TSPAN5: variants seen among roughly 807,000 people sequenced by gnomAD.
TSPAN5 encodes the protein tetraspanin 5.
Under a neutral mutation model 37.1 loss-of-function variants are expected in TSPAN5, and 10 were observed. The ratio of observed to expected loss-of-function variants is 0.27; its 90% CI spans 0.17 to 0.46. The LOEUF is 0.46. Among genes scored for constraint, TSPAN5 ranks in the 20% least tolerant of loss-of-function variants. The probability of loss-of-function intolerance (pLI) is 1.00; values close to 1 mark genes in which losing one functional copy is unlikely to be tolerated. For missense variants in TSPAN5, 195 were observed against 326.6 expected (o/e 0.60, Z 3.11); for synonymous variants, 110 against 118.9 (o/e 0.93, Z 0.48).
intron 1 of TSPAN5, among the ~76,000 whole-genome samples, chr4:98,514,234 A>T (rs2110109950): frequency 6.6e-6 from 1 of 152,342 alleles, no homozygotes; most frequent in East Asian, 1.9e-4. Context: ...CAAGGGGAGA[A>T]GTGCCATTAG....
intron 1 of TSPAN5, among the ~76,000 whole-genome samples, chr4:98,583,976 T>G (rs988006386): frequency 6.6e-6 from 1 of 152,026 alleles, no homozygotes; most frequent in Non-Finnish European, 1.5e-5. Context: ...TGGCTCCCCC[T>G]CCCTCTCCCA....
chr4:98,601,665 G>C (rs1004234311), intron 1 of TSPAN5, among the ~76,000 whole-genome samples: 25 of 152,174 alleles, frequency 1.6e-4, no homozygotes, highest in African/African-American at 5.8e-4. Flanking sequence ...CTCCATATCA[G>C]CAATAAGACT....
intron 1 of TSPAN5, among the ~76,000 whole-genome samples, chr4:98,549,311 T>G (rs1560533035): frequency 7.6e-5 from 2 of 26,268 alleles, no homozygotes; most frequent in Admixed American, 2.2e-4. Context: ...TGTTTTTTTT[T>G]GTTTTTTTTG....
intron 1 of TSPAN5, among the ~76,000 whole-genome samples, chr4:98,618,110 T>G (rs982230242): frequency 3.3e-5 from 5 of 152,224 alleles, no homozygotes; most frequent in African/African-American, 4.8e-5. Context: ...TCAAACATCC[T>G]GAAGCAAACA....
intron 1 of TSPAN5, among the ~76,000 whole-genome samples, chr4:98,642,441 C>A (rs1459831034): frequency 6.6e-6 from 1 of 152,076 alleles, no homozygotes; most frequent in African/African-American, 2.4e-5. Flanking sequence ...TTTTTTTCTG[C>A]TTATGTGTTA....
chr4:98,480,111 G>A (rs982022985), intron 4 of TSPAN5, among the ~76,000 whole-genome samples: 7 of 152,152 alleles, frequency 4.6e-5, no homozygotes, highest in East Asian at 1.9e-4. Flanking sequence ...CTGCCGATCC[G>A]CCTGGGAACA....
intron 1 of TSPAN5, among the ~76,000 whole-genome samples, chr4:98,564,229 TAC>T (rs1754946276): frequency 6.6e-6 from 1 of 152,234 alleles, no homozygotes; most frequent in South Asian, 2.1e-4. Context: ...ACATACAGTT[TAC>T]ATGCTTTTCT....
intron 1 of TSPAN5, among the ~76,000 whole-genome samples, chr4:98,631,552 A>C (rs1354157820): frequency 2.0e-5 from 3 of 151,750 alleles, no homozygotes; most frequent in Non-Finnish European, 4.4e-5. Context: ...TAGATGCCTG[A>C]CCCTGCAGGG....
chr4:98,562,870 A>T (rs1754912357), intron 1 of TSPAN5, among the ~76,000 whole-genome samples: 1 of 152,170 alleles, frequency 6.6e-6, no homozygotes, highest in African/African-American at 2.4e-5. Context: ...CATATGTTAC[A>T]CTTGGGATGC....
intron 1 of TSPAN5, among the ~76,000 whole-genome samples, chr4:98,531,720 G>C (rs1174758190): frequency 6.6e-6 from 1 of 152,124 alleles, no homozygotes; most frequent in Non-Finnish European, 1.5e-5. Flanking sequence ...ATCCTCTCCA[G>C]CATCTGTTGT....
At chr4:98,551,809 T>G (rs1754625095) in intron 1 of TSPAN5, among the ~76,000 whole-genome samples, 2 of 152,112 alleles carry the variant, frequency 1.3e-5, no homozygotes, top group East Asian at 1.9e-4. Context: ...CTCCTTTGTA[T>G]GTTTGAAAGA....
intron 2 of TSPAN5, among the ~76,000 whole-genome samples, chr4:98,495,338 G>C (rs1753177513): frequency 6.6e-6 from 1 of 152,096 alleles, no homozygotes; most frequent in African/African-American, 2.4e-5. Context: ...GACCATCCTG[G>C]CTAACGTGGT....
chr4:98,573,239 C>G (rs1175072252), intron 1 of TSPAN5, among the ~76,000 whole-genome samples: 3 of 152,140 alleles, frequency 2.0e-5, no homozygotes, highest in Non-Finnish European at 4.4e-5. Context: ...GGGGGCTCTT[C>G]TAGGAGACAT....
chr4:98,474,376 T>C (rs1425561562), intron 7 of TSPAN5, among the ~76,000 whole-genome samples: 2 of 152,096 alleles, frequency 1.3e-5, no homozygotes, highest in Admixed American at 1.3e-4. Context: ...TTTTTTGAGA[T>C]AGGATCTTGC....
chr4:98,639,209 C>T (rs983115540), intron 1 of TSPAN5, among the ~76,000 whole-genome samples: 1 of 152,166 alleles, frequency 6.6e-6, no homozygotes, highest in African/African-American at 2.4e-5. Flanking sequence ...TCCACATGAA[C>T]CCCCTGCTAC....
At chr4:98,554,187 C>A (rs1754687019) in intron 1 of TSPAN5, among the ~76,000 whole-genome samples, 1 of 152,124 alleles carries the variant, frequency 6.6e-6, no homozygotes, top group Non-Finnish European at 1.5e-5. Context: ...TATACTTGAA[C>A]AATAAATATA....
chr4:98,612,783 C>T (rs1160462917), intron 1 of TSPAN5, among the ~76,000 whole-genome samples: 2 of 152,198 alleles, frequency 1.3e-5, no homozygotes, highest in African/African-American at 4.8e-5. Flanking sequence ...CATCAGGCCT[C>T]CCTTACTCTG....
chr4:98,573,420 T>C (rs1755168915), intron 1 of TSPAN5, among the ~76,000 whole-genome samples: 1 of 152,244 alleles, frequency 6.6e-6, no homozygotes, highest in African/African-American at 2.4e-5. Context: ...TTTTGTATTT[T>C]GTACAGATAG....
chr4:98,478,534 G>C (rs1752757040), intron 5 of TSPAN5, 151 bp downstream of exon 5: 2 of 873,518 alleles, frequency 2.3e-6, no homozygotes, highest in Admixed American at 4.0e-5. Flanking sequence ...CTCCTACTAG[G>C]AAGATTTGAG....
Sources: gnomAD v4.1 joint callset for allele counts (sites outside exome capture counted in the v4.1 genomes callset) on GRCh38, gnomAD v4.1.1 for gene constraint, MANE v1.5 for transcripts, NCBI Gene and HGNC (gene_info 2026-07-23, HGNC 2026-07-21) for gene names.